Variants in GPC6 observed in about 807,000 individuals in gnomAD.
GPC6 encodes glypican-6.
Under a neutral mutation model 55.2 loss-of-function variants are expected in GPC6, and 14 were observed. The ratio of observed to expected loss-of-function variants is 0.25; its 90% CI spans 0.17 to 0.40. The LOEUF (loss-of-function observed/expected upper bound fraction) is 0.40. GPC6 is among the 10% of genes least tolerant of loss of function. The pLI, the probability that GPC6 is intolerant of heterozygous loss-of-function variation, is 1.00. For missense variants in GPC6, 641 were observed against 708.5 expected (o/e 0.90, Z 1.08); for synonymous variants, 278 against 259.6 (o/e 1.07, Z -0.68).
At chr13:94,345,375 A>G (rs1375097035) in intron 6 of GPC6, among the ~76,000 whole-genome samples, 1 of 152,216 alleles carries the variant, frequency 6.6e-6, no homozygotes, top group African/African-American at 2.4e-5. Flanking sequence ...AGAAAAAGTC[A>G]TACTTACTTT....
intron 6 of GPC6, among the ~76,000 whole-genome samples, chr13:94,307,555 C>T (rs1403023140): frequency 1.3e-5 from 2 of 152,178 alleles, no homozygotes; most frequent in African/African-American, 4.8e-5. Context: ...TCAAGCAATC[C>T]ACCTGCCTCG....
chr13:93,731,080 G>A (rs766184459), intron 2 of GPC6, among the ~76,000 whole-genome samples: 5 of 152,142 alleles, frequency 3.3e-5, no homozygotes, highest in Non-Finnish European at 7.3e-5. Context: ...TCATGAGGGA[G>A]TGTGGGATAC....
chr13:93,340,324 G>A (rs1434427138), intron 1 of GPC6, among the ~76,000 whole-genome samples: 8 of 151,968 alleles, frequency 5.3e-5, no homozygotes, highest in African/African-American at 1.9e-4. Context: ...GTGAGCCACC[G>A]TGCCCGGCCC....
intron 4 of GPC6, among the ~76,000 whole-genome samples, chr13:94,142,318 T>C (rs74990533): frequency 0.012 from 1,816 of 152,302 alleles, 19 homozygotes; most frequent in Middle Eastern, 0.02. Context: ...TCAAAATAGA[T>C]GACATGATTT....
intron 3 of GPC6, among the ~76,000 whole-genome samples, chr13:93,882,294 G>A (rs1287352856): frequency 2.6e-5 from 4 of 151,696 alleles, no homozygotes; most frequent in Non-Finnish European, 4.4e-5. Context: ...CTACAGGCAC[G>A]TGCCACTACA....
chr13:93,275,668 C>T (rs1877708072), intron 1 of GPC6, among the ~76,000 whole-genome samples: 1 of 152,142 alleles, frequency 6.6e-6, no homozygotes, highest in Admixed American at 6.5e-5. Flanking sequence ...CCTGTGTGTG[C>T]ATCCTTGGTG....
At chr13:94,009,058 T>A (rs1471741026) in intron 3 of GPC6, among the ~76,000 whole-genome samples, 1 of 152,192 alleles carries the variant, frequency 6.6e-6, no homozygotes, top group Non-Finnish European at 1.5e-5. Flanking sequence ...TCATTACAAT[T>A]ATTATTGATA....
intron 1 of GPC6, among the ~76,000 whole-genome samples, chr13:93,236,198 G>A (rs1210943483): frequency 6.6e-6 from 1 of 152,154 alleles, no homozygotes; most frequent in African/African-American, 2.4e-5. Flanking sequence ...ATCATAGCAT[G>A]GCTTAGCTAA....
At chr13:93,367,247 G>T (rs1881283287) in intron 1 of GPC6, among the ~76,000 whole-genome samples, 1 of 151,800 alleles carries the variant, frequency 6.6e-6, no homozygotes, top group African/African-American at 2.4e-5. Flanking sequence ...TCAATTGTGT[G>T]GACAATTATT....
At chr13:93,648,692 C>T (rs773875662) in intron 2 of GPC6, among the ~76,000 whole-genome samples, 1 of 152,208 alleles carries the variant, frequency 6.6e-6, no homozygotes, top group East Asian at 1.9e-4. Flanking sequence ...GTCAGAATCC[C>T]ACGTATTTCA....
chr13:93,847,651 C>T (rs184184091), intron 3 of GPC6, among the ~76,000 whole-genome samples: 1 of 152,184 alleles, frequency 6.6e-6, no homozygotes, highest in East Asian at 1.9e-4. Flanking sequence ...CATTCATTGT[C>T]CCAAAATGCT....
intron 2 of GPC6, among the ~76,000 whole-genome samples, chr13:93,621,117 C>T (rs1399229194): frequency 2.0e-5 from 3 of 152,060 alleles, no homozygotes; most frequent in Non-Finnish European, 4.4e-5. Context: ...ACTATGGGTG[C>T]AGGGGAAAGA....
At chr13:93,498,605 C>T (rs1017309009) in intron 1 of GPC6, among the ~76,000 whole-genome samples, 3 of 152,102 alleles carry the variant, frequency 2.0e-5, no homozygotes, top group Non-Finnish European at 4.4e-5. Flanking sequence ...GCTTTTGCTT[C>T]TTCCTCATTT....
At chr13:93,343,962 G>A (rs570558211) in intron 1 of GPC6, among the ~76,000 whole-genome samples, 5 of 152,064 alleles carry the variant, frequency 3.3e-5, no homozygotes, top group South Asian at 2.1e-4. Flanking sequence ...ATATATCCAC[G>A]TCACCTCTTC....
intron 2 of GPC6, among the ~76,000 whole-genome samples, chr13:93,741,602 G>A (rs945473381): frequency 7.9e-5 from 12 of 152,022 alleles, no homozygotes; most frequent in African/African-American, 2.9e-4. Context: ...GCATAGCCCC[G>A]CCCCTGAGTT....
At chr13:93,541,065 TGCACAATG>T (rs1882276222) in intron 1 of GPC6, among the ~76,000 whole-genome samples, 1 of 151,990 alleles carries the variant, frequency 6.6e-6, no homozygotes, top group African/African-American at 2.4e-5. Flanking sequence ...AGGGAACATG[TGCACAATG>T]TGCAGGTTAG....
chr13:93,763,457 T>C (rs1014006867), intron 2 of GPC6, among the ~76,000 whole-genome samples: 1 of 152,174 alleles, frequency 6.6e-6, no homozygotes, highest in African/African-American at 2.4e-5. Context: ...TCCTCTCATA[T>C]CATAGGACTT....
At chr13:93,948,216 GC>G (rs1159752696) in intron 3 of GPC6, among the ~76,000 whole-genome samples, 1 of 152,088 alleles carries the variant, frequency 6.6e-6, no homozygotes, top group Non-Finnish European at 1.5e-5. Context: ...TATTAAAAGA[GC>G]CCCCCATTAA....
chr13:94,167,668 G>A (rs1231303210), intron 4 of GPC6, among the ~76,000 whole-genome samples: 6 of 152,128 alleles, frequency 3.9e-5, no homozygotes, highest in Non-Finnish European at 7.3e-5. Flanking sequence ...CAGGCAGAAG[G>A]AACAGCACGT....
Sources: allele counts gnomAD v4.1 joint callset (sites outside exome capture counted in the v4.1 genomes callset), GRCh38; gene constraint gnomAD v4.1.1; transcripts MANE v1.5; gene names NCBI Gene and HGNC (gene_info 2026-07-23, HGNC 2026-07-21).